ABTB3: variants seen among roughly 807,000 people sequenced by gnomAD.
The protein encoded by ABTB3 is ankyrin repeat- and BTB/POZ domain-containing protein 3.
At chr12:107,339,038 A>C in the ABTB3 span, among the ~76,000 whole-genome samples, 1 of 152,184 alleles carries the variant, frequency 6.6e-6, no homozygotes, top group Non-Finnish European at 1.5e-5. Flanking sequence ...CTTGAAAGTT[A>C]GGAAGTCCAT....
At chr12:107,457,866 T>C in the ABTB3 span, among the ~76,000 whole-genome samples, 1 of 152,230 alleles carries the variant, frequency 6.6e-6, no homozygotes, top group Non-Finnish European at 1.5e-5. Context: ...ATGGAGACTT[T>C]GGCAACAGAA....
chr12:107,369,039 T>A, the ABTB3 span, among the ~76,000 whole-genome samples: 2 of 152,214 alleles, frequency 1.3e-5, no homozygotes, highest in South Asian at 4.1e-4. Flanking sequence ...CTCTGCCACC[T>A]CTCTGTTAAC....
the ABTB3 span, among the ~76,000 whole-genome samples, chr12:107,509,877 G>A: frequency 2.0e-5 from 3 of 152,324 alleles, no homozygotes; most frequent in South Asian, 4.1e-4. Flanking sequence ...TTCTGGCATT[G>A]TCTGTGTTAT....
At chr12:107,356,429 C>T in the ABTB3 span, among the ~76,000 whole-genome samples, 2 of 152,148 alleles carry the variant, frequency 1.3e-5, no homozygotes, top group African/African-American at 4.8e-5. Flanking sequence ...AGCTGGGGCC[C>T]AGCACCGCAG....
the ABTB3 span, among the ~76,000 whole-genome samples, chr12:107,327,832 A>C: frequency 6.6e-6 from 1 of 152,322 alleles, no homozygotes; most frequent in East Asian, 1.9e-4. Flanking sequence ...GAACATAATG[A>C]AAGCTGCTTT....
the ABTB3 span, among the ~76,000 whole-genome samples, chr12:107,376,856 C>G: frequency 6.3e-4 from 96 of 152,312 alleles, no homozygotes; most frequent in African/African-American, 2.2e-3. Context: ...CTCAGCAGCC[C>G]TGTTGTTCAG....
At chr12:107,457,724 G>A in the ABTB3 span, among the ~76,000 whole-genome samples, 72 of 152,364 alleles carry the variant, frequency 4.7e-4, no homozygotes, top group East Asian at 8.7e-3. Flanking sequence ...CATGGCCTCA[G>A]CTGCCTGTTG....
the ABTB3 span, among the ~76,000 whole-genome samples, chr12:107,641,346 C>A: frequency 6.6e-6 from 1 of 152,270 alleles, no homozygotes. Flanking sequence ...GGCTGTGTAA[C>A]ATGTTAACAT....
chr12:107,586,379 C>T, the ABTB3 span, among the ~76,000 whole-genome samples: 1 of 152,150 alleles, frequency 6.6e-6, no homozygotes, highest in Admixed American at 6.5e-5. Flanking sequence ...TCTGTGAGGC[C>T]TTGGAAAGCT....
chr12:107,363,091 A>G, the ABTB3 span, among the ~76,000 whole-genome samples: 2 of 152,318 alleles, frequency 1.3e-5, no homozygotes, highest in East Asian at 3.9e-4. Context: ...ACTTAGAGGA[A>G]GATCCAGCTA....
chr12:107,389,711 C>G, the ABTB3 span, among the ~76,000 whole-genome samples: 1 of 151,822 alleles, frequency 6.6e-6, no homozygotes, highest in South Asian at 2.1e-4. Context: ...CCAACAACGT[C>G]AGCTGGGGCT....
At chr12:107,463,496 G>A in the ABTB3 span, among the ~76,000 whole-genome samples, 1 of 152,106 alleles carries the variant, frequency 6.6e-6, no homozygotes, top group African/African-American at 2.4e-5. Context: ...TAGGTTCTGT[G>A]ATTACTCCCA....
the ABTB3 span, among the ~76,000 whole-genome samples, chr12:107,514,285 T>G: frequency 3.4e-4 from 52 of 152,152 alleles, 1 homozygote; most frequent in Admixed American, 2.2e-3. Context: ...ATGTGGACAA[T>G]CAAAGGCATT....
At chr12:107,510,572 G>T in the ABTB3 span, among the ~76,000 whole-genome samples, 1 of 152,168 alleles carries the variant, frequency 6.6e-6, no homozygotes, top group African/African-American at 2.4e-5. Context: ...CAGAGTGAGG[G>T]GATGGGAGAG....
chr12:107,437,608 G>A, the ABTB3 span, among the ~76,000 whole-genome samples: 1 of 151,842 alleles, frequency 6.6e-6, no homozygotes, highest in African/African-American at 2.4e-5. Context: ...CACCATGTTG[G>A]CCAGGCTGGT....
chr12:107,492,515 C>T, the ABTB3 span, among the ~76,000 whole-genome samples: 6 of 152,140 alleles, frequency 3.9e-5, no homozygotes, highest in East Asian at 1.2e-3. Flanking sequence ...TACTCACAGG[C>T]TTCTCATAAT....
At chr12:107,371,259 G>A in the ABTB3 span, among the ~76,000 whole-genome samples, 1 of 152,098 alleles carries the variant, frequency 6.6e-6, no homozygotes, top group Non-Finnish European at 1.5e-5. Context: ...CCAGGCTGAC[G>A]GATTGGAGAG....
chr12:107,471,513 C>A, the ABTB3 span, among the ~76,000 whole-genome samples: 42 of 152,164 alleles, frequency 2.8e-4, no homozygotes, highest in Non-Finnish European at 5.7e-4. Context: ...AGGTATTGAG[C>A]CCTTACTGTG....
the ABTB3 span, among the ~76,000 whole-genome samples, chr12:107,471,290 A>G: frequency 2.6e-5 from 4 of 152,256 alleles, no homozygotes; most frequent in African/African-American, 9.6e-5. Flanking sequence ...ACAAGGCCAC[A>G]CAACCAGCAA....
Sources: gnomAD v4.1 joint callset for allele counts (sites outside exome capture counted in the v4.1 genomes callset) on GRCh38, gnomAD v4.1.1 for gene constraint, MANE v1.5 for transcripts, NCBI Gene and HGNC (gene_info 2026-07-23, HGNC 2026-07-21) for gene names.